Variants in SLC17A7 observed in about 807,000 individuals in gnomAD.
The protein encoded by SLC17A7 is solute carrier family 17 member 7, also known as vesicular glutamate transporter 1.
SLC17A7 carries 15 observed loss-of-function variants against 59.1 expected under a neutral mutation model. That is an observed-to-expected ratio of 0.25 (90% CI 0.17 to 0.39). SLC17A7 has a LOEUF of 0.39. SLC17A7 is among the 10% of genes least tolerant of loss of function. The pLI, the probability that SLC17A7 is intolerant of heterozygous loss-of-function variation, is 1.00. For missense variants in SLC17A7, 499 were observed against 765.1 expected, an observed-to-expected ratio of 0.65 and a Z score of 4.10; for synonymous variants, 353 against 308.9, an observed-to-expected ratio of 1.14 and a Z score of -1.50.
In SLC17A7 at chr19:49,431,934, C is replaced by CT. The variant is rs2078962274; in HGVS notation, c.1151-487dup. On this transcript the variant is annotated intron_variant, in intron 9 of 11. Coordinates refer to ENST00000221485, the MANE Select transcript of SLC17A7 (RefSeq NM_020309.4). The surrounding 1 kb of genome is among the most constrained non-coding windows in gnomAD (Gnocchi z 4.6). Reference sequence around the variant, plus strand: ...GATAACAGGGGTTAGCCACCATGCCCTGCCTGTTTTTTAATTTTTAATTGT... The same window carrying CT: ...GATAACAGGGGTTAGCCACCATGCCCTTGCCTGTTTTTTAATTTTTAATTGT... Among the ~76,000 whole-genome samples the CT allele has an allele frequency of 6.6e-6, 1 of 152,132 alleles. No individual in the cohort carries two copies. The highest frequency in any genetic ancestry group is 2.1e-4 in the South Asian group (1 of 4,836).
At chr19:49,437,233 G>C (rs1012959210) in intron 1 of SLC17A7, 9 of 189,184 alleles carry the variant, frequency 4.8e-5, no homozygotes, top group Non-Finnish European at 1.0e-4. Context: ...CAAAAGAACA[G>C]ATGCTTCTCA....
In SLC17A7 at chr19:49,433,006, G is replaced by A. The variant is rs980999660; in HGVS notation, c.868-46C>T. ...CCGCTAAGACGGGGAGCGGGGCTGAGGGCTTCTCCGCGTCCCTTCAGGGAC... is the reference window on the plus strand; with the variant it reads ...CCGCTAAGACGGGGAGCGGGGCTGAAGGCTTCTCCGCGTCCCTTCAGGGAC... On this transcript the variant is annotated intron_variant, in intron 7 of 11. Coordinates refer to ENST00000221485, the MANE Select transcript of SLC17A7 (RefSeq NM_020309.4). The surrounding 1 kb of genome is among the most constrained non-coding windows in gnomAD (Gnocchi z 5.7). 8 of 1,564,650 alleles carry A rather than the reference G, an allele frequency of 5.1e-6. No homozygotes were observed. The highest frequency in any genetic ancestry group is 7.0e-6 in the Non-Finnish European group (8 of 1,149,574).
intron 1 of SLC17A7, among the ~76,000 whole-genome samples, chr19:49,440,466 C>T (rs937986494): frequency 1.3e-5 from 2 of 152,146 alleles, no homozygotes; most frequent in African/African-American, 2.4e-5. Context: ...GAGGGACACT[C>T]GGTTCACTGG....
Position 49,430,067 on chromosome 19 carries a change from G to A in SLC17A7, c.*452C>T, listed in dbSNP as rs185407397. On this transcript the variant is annotated 3_prime_UTR_variant, in exon 12 of 12. Coordinates refer to ENST00000221485, the MANE Select transcript of SLC17A7 (RefSeq NM_020309.4). ...ACCAATCTGGAAGATGCAGAACAGAGTTGGGAGAGATTTGAAACTTCTAGA... is the reference window on the plus strand; with the variant it reads ...ACCAATCTGGAAGATGCAGAACAGAATTGGGAGAGATTTGAAACTTCTAGA... 3 of 162,038 alleles carry A rather than the reference G, an allele frequency of 1.9e-5. No individual in the cohort carries two copies. Among genetic ancestry groups the A allele is most frequent in the East Asian group, 1.8e-4 (1 of 5,576 alleles). 10.0% of individuals were successfully genotyped at this position (162,038 alleles called of 1,614,324 possible). A position where few individuals can be genotyped will look rare whatever the true frequency, so the allele number is the denominator to read the frequency against.
At chr19:49,438,574 G>A (rs143940443) in intron 1 of SLC17A7, among the ~76,000 whole-genome samples, 34 of 152,156 alleles carry the variant, frequency 2.2e-4, no homozygotes, top group African/African-American at 7.9e-4. Context: ...GTGGGGAGGG[G>A]CAGTTAAGAA....
chr19:49,431,209 T>A lies in SLC17A7; in HGVS notation c.1262-67A>T. ...ACTCGAGTGATTCCCACTGGGACGT[T>A]CTCAACCCTCTCCCCTCCCCGCCAC... On this transcript the variant is annotated intron_variant, in intron 10 of 11. Coordinates refer to ENST00000221485, the MANE Select transcript of SLC17A7 (RefSeq NM_020309.4). The surrounding 1 kb of genome is among the most constrained non-coding windows in gnomAD (Gnocchi z 4.6). The A allele has an allele frequency of 2.6e-6, 4 of 1,567,788 alleles. No individual in the cohort carries two copies. The highest frequency in any genetic ancestry group is 3.5e-6 in the Non-Finnish European group (4 of 1,154,034).
intron 1 of SLC17A7, among the ~76,000 whole-genome samples, chr19:49,439,862 C>T (rs768475596): frequency 1.1e-4 from 16 of 152,158 alleles, no homozygotes; most frequent in South Asian, 1.0e-3. Context: ...GAGGCAGAGA[C>T]TGAGGGAGGG....
intron 1 of SLC17A7, among the ~76,000 whole-genome samples, 169 bp downstream of exon 1, chr19:49,441,149 G>T (rs115020879): frequency 0.017 from 2,515 of 152,210 alleles, 86 homozygotes; most frequent in African/African-American, 0.057. Flanking sequence ...AATGGACAAG[G>T]CTCGACCAGG....
intron 9 of SLC17A7, 143 bp downstream of exon 9, chr19:49,432,376 T>G (rs2078963911): frequency 8.4e-7 from 1 of 1,184,970 alleles, no homozygotes; most frequent in African/African-American, 1.5e-5. Context: ...GGCTCCACCC[T>G]GTTGGCCACG....
At chr19:49,441,227 C>T in intron 1 of SLC17A7, 91 bp downstream of exon 1, 5 of 1,540,960 alleles carry the variant, frequency 3.2e-6, no homozygotes, top group Non-Finnish European at 4.4e-6. Flanking sequence ...GCCGGGGTAT[C>T]GCCCGTTCAT....
chr19:49,430,900 G>A (rs1458462317), intron 11 of SLC17A7, 88 bp from the exon 12 acceptor site: 11 of 1,552,462 alleles, frequency 7.1e-6, no homozygotes, highest in Non-Finnish European at 7.8e-6. Flanking sequence ...GGGAGGCAGA[G>A]ACCCAGGGAG....
In SLC17A7 at chr19:49,433,625, TCTC is replaced by T. The variant is rs750958652; in HGVS notation, c.867+98_867+100del. 1.9e-5 allele frequency: 29 copies of T among 1,537,662 alleles called. No homozygotes were observed. Among genetic ancestry groups the T allele is most frequent in the Non-Finnish European group, 2.6e-5 (29 of 1,119,004 alleles). On this transcript the variant is annotated intron_variant, in intron 7 of 11. Coordinates refer to ENST00000221485, the MANE Select transcript of SLC17A7 (RefSeq NM_020309.4). The surrounding 1 kb of genome is among the most constrained non-coding windows in gnomAD (Gnocchi z 5.7). The stretch of plus-strand genomic sequence containing the variant: ...CCCCTCTCTTTGCGTTCCAGTCCCG[TCTC>T]CTCTAGAGTCTGCAGGAACCGTCCC...
chr19:49,439,946 T>C (rs1003984125), intron 1 of SLC17A7, among the ~76,000 whole-genome samples: 4 of 151,912 alleles, frequency 2.6e-5, no homozygotes, highest in Admixed American at 6.6e-5. Flanking sequence ...CTCTCTCTCA[T>C]TCTCCTGACT....
At position 49,430,583 on chromosome 19, in the gene SLC17A7, G is replaced by C; in HGVS notation, c.1619C>G (p.Ser540Cys). The C allele has an allele frequency of 2.5e-6, 4 of 1,611,136 alleles. No individual in the cohort carries two copies. Among genetic ancestry groups the C allele is most frequent in the Non-Finnish European group, 3.4e-6 (4 of 1,177,956 alleles). The stretch of plus-strand genomic sequence containing the variant: ...AAATGTGCTGTGTGTGGCCCCATAG[G>C]AGGGCGGGGGTGCAGGGGGTGCCCC... Reference protein sequence around the residue: ...PPGAPPAPPPSYGATHSTFQP... With the variant: ...PPGAPPAPPPCYGATHSTFQP... The change falls in exon 12 of 12, where the codon TCC becomes TGC. Residue 540 changes from serine to cysteine, a missense_variant. By Grantham distance (112) the Ser-to-Cys change is moderately radical. Coordinates refer to ENST00000221485, the MANE Select transcript of SLC17A7 (RefSeq NM_020309.4).
At chr19:49,432,207 T>C (rs2078963359) in intron 9 of SLC17A7, among the ~76,000 whole-genome samples, 2 of 152,212 alleles carry the variant, frequency 1.3e-5, no homozygotes, top group African/African-American at 2.4e-5. Context: ...ACCTAGTTCA[T>C]GTCCTACCAC....
intron 2 of SLC17A7, 176 bp from the exon 3 acceptor site, chr19:49,435,462 C>T (rs774930923): frequency 1.2e-5 from 7 of 580,320 alleles, no homozygotes; most frequent in South Asian, 4.2e-5. Flanking sequence ...CTACAAACTC[C>T]GCTCTTCCAC....
chr19:49,429,677 G>A lies in SLC17A7; in HGVS notation c.*842C>T, dbSNP rs955350287. On this transcript the variant is annotated 3_prime_UTR_variant, in exon 12 of 12. Transcript: ENST00000221485. ...AACAGGGTAGTTCGAAACCACCCAG[G>A]AGAATAAAGTGCGAGGAATTGGGGA... The A allele has an allele frequency of 1.1e-4, 42 of 397,780 alleles. No individual in the cohort carries two copies. Among genetic ancestry groups the A allele is most frequent in the Middle Eastern group, 6.2e-4 (1 of 1,606 alleles). The allele number at this position is 397,780 out of a possible 1,614,324, so 24.6% of individuals were successfully genotyped here. A position where few individuals can be genotyped will look rare whatever the true frequency, so the allele number is the denominator to read the frequency against.
chr19:49,436,744 G>A lies in SLC17A7; in HGVS notation c.120C>T (p.Arg40=), dbSNP rs148332854. ...AETLELSADG[R]PVTTQTRDPP... ...GGTCCCGGGTCTGCGTGGTCACCGG[G>A]CGCCCATCCGCACTCAGCTCCAGCG... The change falls in exon 2 of 12, where the codon CGC becomes CGT. Residue 40 remains arginine (R), a synonymous_variant. Transcript: ENST00000221485. The surrounding 1 kb of genome is among the most constrained non-coding windows in gnomAD (Gnocchi z 4.1). 400 of 1,609,570 alleles carry A rather than the reference G, an allele frequency of 2.5e-4. 5 individuals are homozygous for A. In the East Asian group the frequency reaches 8.8e-3, roughly 35 times the overall value.
chr19:49,434,298 C>T (rs1319197941), intron 5 of SLC17A7, among the ~76,000 whole-genome samples: 2 of 150,366 alleles, frequency 1.3e-5, no homozygotes, highest in African/African-American at 4.9e-5. Flanking sequence ...CAGGCCCAAC[C>T]CCTCCTCTCT....
Sources: gnomAD v4.1 joint callset for allele counts (sites outside exome capture counted in the v4.1 genomes callset) on GRCh38, gnomAD v4.1.1 for gene constraint, Gnocchi (gnomAD v3.1) non-coding constraint, MANE v1.5 for transcripts, NCBI Gene and HGNC (gene_info 2026-07-23, HGNC 2026-07-21) for gene names.